Variants in FAM241A observed in about 807,000 individuals in gnomAD.
FAM241A encodes uncharacterized protein FAM241A.
A neutral mutation model predicts 12.2 loss-of-function variants in FAM241A; 7 were observed. That is an observed-to-expected ratio of 0.58 (90% CI 0.33 to 1.08). FAM241A has a LOEUF of 1.08. FAM241A is among the 50% of genes least tolerant of loss of function. The pLI is 0.04. For missense variants in FAM241A, 161 were observed against 169.7 expected, an observed-to-expected ratio of 0.95 and a Z score of 0.29; for synonymous variants, 74 against 68.2, an observed-to-expected ratio of 1.08 and a Z score of -0.42.
intron 1 of FAM241A, among the ~76,000 whole-genome samples, chr4:112,147,007 A>T (rs1723151510): frequency 6.6e-6 from 1 of 152,216 alleles, no homozygotes. Context: ...AGAAGACAGC[A>T]CAAGAATTCC....
intron 1 of FAM241A, among the ~76,000 whole-genome samples, chr4:112,159,593 C>T (rs1032935331): frequency 3.3e-5 from 5 of 152,036 alleles, no homozygotes; most frequent in African/African-American, 7.2e-5. Context: ...TGACCAAGTG[C>T]GATTTATCCC....
At chr4:112,154,304 G>A (rs1050611157) in intron 1 of FAM241A, among the ~76,000 whole-genome samples, 1 of 152,000 alleles carries the variant, frequency 6.6e-6, no homozygotes, top group African/African-American at 2.4e-5. Flanking sequence ...AGAGTCCTTT[G>A]TTGCCCAAGC....
At position 112,188,998 on chromosome 4, in the gene FAM241A, GAAATA is replaced by G. The variant is rs1009159097; in HGVS notation, c.*2066_*2070del. On this transcript the variant is annotated 3_prime_UTR_variant, in exon 2 of 2. Transcript: ENST00000309733. ...AAAAACAAACTTTGCCTATGTAATG[GAAATA>G]AAATATTTTCTTTTATGAAATATAT... is the stretch of plus-strand genomic sequence containing the variant. 2.0e-5 allele frequency: 3 copies of G among 152,040 alleles called. No homozygotes were observed. The highest frequency in any genetic ancestry group is 4.4e-5 in the Non-Finnish European group (3 of 67,982). 9.4% of individuals were successfully genotyped at this position (152,040 alleles called of 1,614,324 possible).
chr4:112,186,993 A>G lies in FAM241A; in HGVS notation c.*55A>G. On this transcript the variant is annotated 3_prime_UTR_variant, in exon 2 of 2. Coordinates refer to ENST00000309733, the MANE Select transcript of FAM241A (RefSeq NM_152400.3). ...TGGTAGCCATATATGTAATTGAAGAAGTTATATATTTCACTTTTTGACAAC... is the reference window on the plus strand; with the variant it reads ...TGGTAGCCATATATGTAATTGAAGAGGTTATATATTTCACTTTTTGACAAC... 1 of 1,549,728 alleles carries G rather than the reference A, an allele frequency of 6.5e-7. No homozygotes were observed. The highest frequency in any genetic ancestry group is 8.7e-7 in the Non-Finnish European group (1 of 1,148,732).
At chr4:112,184,220 A>G (rs1231730696) in intron 1 of FAM241A, among the ~76,000 whole-genome samples, 1 of 152,192 alleles carries the variant, frequency 6.6e-6, no homozygotes, top group Non-Finnish European at 1.5e-5. Flanking sequence ...TGAAAATCCA[A>G]AAGTAATTTT....
chr4:112,173,842 G>A lies in FAM241A; in HGVS notation c.154-12851G>A, dbSNP rs184469970. Among the ~76,000 whole-genome samples the A allele has an allele frequency of 4.6e-5, 7 of 152,214 alleles. No individual in the cohort carries two copies. The East Asian group carries it at 5.8e-4, about 13-fold the overall frequency. ...AAAAGTAATGTCCAGAAATAACCAAGGTAGGGCTTCCAGAACAATGAGGTA... is the reference window on the plus strand; with the variant it reads ...AAAAGTAATGTCCAGAAATAACCAAAGTAGGGCTTCCAGAACAATGAGGTA... On this transcript the variant is annotated intron_variant, in intron 1 of 1. Coordinates refer to ENST00000309733, the MANE Select transcript of FAM241A (RefSeq NM_152400.3).
At chr4:112,174,273 G>T (rs1361747984) in intron 1 of FAM241A, among the ~76,000 whole-genome samples, 1 of 152,188 alleles carries the variant, frequency 6.6e-6, no homozygotes, top group African/African-American at 2.4e-5. Flanking sequence ...AAAACCAGGG[G>T]CTGCTCCCCA....
At chr4:112,146,316 C>T (rs988480753) in intron 1 of FAM241A, among the ~76,000 whole-genome samples, 6 of 152,108 alleles carry the variant, frequency 3.9e-5, no homozygotes, top group Admixed American at 3.9e-4. Flanking sequence ...GAGATCAAAG[C>T]TTCAGTTAAA....
intron 1 of FAM241A, among the ~76,000 whole-genome samples, chr4:112,157,264 A>G (rs1314339464): frequency 1.3e-5 from 2 of 152,146 alleles, no homozygotes; most frequent in African/African-American, 4.8e-5. Flanking sequence ...GAGAGAGGGA[A>G]GTCAATTGAA....
At chr4:112,178,983 G>A (rs968177970) in intron 1 of FAM241A, among the ~76,000 whole-genome samples, 1 of 152,148 alleles carries the variant, frequency 6.6e-6, no homozygotes, top group African/African-American at 2.4e-5. Flanking sequence ...AGATGCTGGC[G>A]AGGCTGTGGA....
At position 112,188,719 on chromosome 4, in the gene FAM241A, C is replaced by T. The variant is rs1404886200; in HGVS notation, c.*1781C>T. 6.6e-6 allele frequency: 1 copy of T among 152,064 alleles called. No homozygotes were observed. Among genetic ancestry groups the T allele is most frequent in the Non-Finnish European group, 1.5e-5 (1 of 67,986 alleles). The allele number at this position is 152,064 out of a possible 1,614,324, so 9.4% of individuals were successfully genotyped here. On this transcript the variant is annotated 3_prime_UTR_variant, in exon 2 of 2. Transcript: ENST00000309733. Reference sequence around the variant, plus strand: ...TTTTCTAATGCTACTGGAAATTTTACTTTTCCTTTGCAACACATAAATGAT... The same window carrying T: ...TTTTCTAATGCTACTGGAAATTTTATTTTTCCTTTGCAACACATAAATGAT...
At chr4:112,145,885 G>A (rs1178614764) in intron 1 of FAM241A, 152 bp downstream of exon 1, 46 of 364,790 alleles carry the variant, frequency 1.3e-4, no homozygotes, top group Non-Finnish European at 3.2e-5. Flanking sequence ...GTCGTCGCCG[G>A]GAGCGGTTAG....
chr4:112,158,677 C>G (rs1030251959), intron 1 of FAM241A, among the ~76,000 whole-genome samples: 2 of 151,918 alleles, frequency 1.3e-5, no homozygotes, highest in Non-Finnish European at 2.9e-5. Context: ...GCTAGGATTG[C>G]TATTTTTATT....
intron 1 of FAM241A, among the ~76,000 whole-genome samples, chr4:112,178,892 A>G (rs1031745892): frequency 6.6e-6 from 1 of 152,186 alleles, no homozygotes; most frequent in Non-Finnish European, 1.5e-5. Context: ...ATCATCACTC[A>G]TGAGAGAAAT....
chr4:112,179,874 C>A (rs1017095038), intron 1 of FAM241A, among the ~76,000 whole-genome samples: 1 of 139,770 alleles, frequency 7.2e-6, no homozygotes, highest in Non-Finnish European at 1.5e-5. Flanking sequence ...GCAGAATCAA[C>A]CTAGGTGCCC....
intron 1 of FAM241A, among the ~76,000 whole-genome samples, chr4:112,150,654 G>T (rs1158076424): frequency 1.3e-5 from 2 of 151,964 alleles, no homozygotes; most frequent in Non-Finnish European, 2.9e-5. Flanking sequence ...GGGGGGTTCA[G>T]TGAGGGGGGT....
chr4:112,156,482 C>T (rs918991632), intron 1 of FAM241A, among the ~76,000 whole-genome samples: 1 of 152,186 alleles, frequency 6.6e-6, no homozygotes, highest in Non-Finnish European at 1.5e-5. Context: ...CACAGGTACA[C>T]TCTAAAACAT....
At chr4:112,177,216 CTG>C (rs141897882) in intron 1 of FAM241A, among the ~76,000 whole-genome samples, 1,564 of 152,082 alleles carry the variant, frequency 0.01, 31 homozygotes, top group African/African-American at 0.036. Flanking sequence ...ATTCTGTAAA[CTG>C]TGAGAAAAGA....
intron 1 of FAM241A, among the ~76,000 whole-genome samples, chr4:112,169,071 C>T (rs1723664145): frequency 6.6e-6 from 1 of 152,140 alleles, no homozygotes; most frequent in Non-Finnish European, 1.5e-5. Context: ...TATAACTTTA[C>T]CTTGGGCTAG....
Sources: gnomAD v4.1 joint callset for allele counts (sites outside exome capture counted in the v4.1 genomes callset) on GRCh38, gnomAD v4.1.1 for gene constraint, MANE v1.5 for transcripts, NCBI Gene and HGNC (gene_info 2026-07-23, HGNC 2026-07-21) for gene names.